Variants in PCDHGA1 observed in about 807,000 individuals in gnomAD.
PCDHGA1 encodes protocadherin gamma subfamily A, 1.
PCDHGA1 carries 32 observed loss-of-function variants against 58.0 expected under a neutral mutation model. That is an observed-to-expected ratio of 0.55 (90% CI 0.42 to 0.74). The LOEUF (loss-of-function observed/expected upper bound fraction) is 0.74. Ranked by LOEUF, PCDHGA1 falls within the 30% of genes least tolerant of loss-of-function variation. The pLI is 0.00. For synonymous variants in PCDHGA1, 498 were observed against 501.1 expected (o/e 0.99, Z 0.08); for missense variants, 1,205 against 1,182.3 (o/e 1.02, Z -0.28).
chr5:141,405,994 C>T (rs2094743060), intron 1 of PCDHGA1, among the ~76,000 whole-genome samples: 1 of 151,930 alleles, frequency 6.6e-6, no homozygotes, highest in African/African-American at 2.4e-5. Context: ...GGGTAGCTCT[C>T]AGCCTGCATT....
At chr5:141,418,337 C>G (rs1308299122) in intron 1 of PCDHGA1, 1 of 1,613,972 alleles carries the variant, frequency 6.2e-7, no homozygotes, top group East Asian at 2.2e-5. Context: ...TGCAGAAGAT[C>G]CTGATATTAG....
rs564486909 is a variant in PCDHGA1, at chr5:141,428,072, G to A, written c.2422-66735G>A. The A allele has an allele frequency of 1.6e-5, 25 of 1,609,080 alleles. No individual in the cohort carries two copies. The South Asian group carries it at 1.9e-4, about 12-fold the overall frequency. On this transcript the variant is annotated intron_variant, in intron 1 of 3. Coordinates refer to ENST00000517417, the MANE Select transcript of PCDHGA1 (RefSeq NM_018912.3). The stretch of plus-strand genomic sequence containing the variant: ...AGGTGGTGGCGGTGGACGCAGATTC[G>A]GGACACAACGCTTGGCTGTCCTACC...
Position 141,422,436 on chromosome 5 carries a change from C to T in PCDHGA1, c.2422-72371C>T, listed in dbSNP as rs200737047. The T allele has an allele frequency of 1.2e-5, 20 of 1,609,634 alleles. No homozygotes were observed. The East Asian group carries it at 4.0e-4, about 32-fold the overall frequency. On this transcript the variant is annotated intron_variant, in intron 1 of 3. Coordinates refer to ENST00000517417, the MANE Select transcript of PCDHGA1 (RefSeq NM_018912.3). The stretch of plus-strand genomic sequence containing the variant: ...TAGAAAAGACTTATGGAAATTATTA[C>T]AAATTGATAACAAGCAGAGTGCTGG...
At chr5:141,496,249 A>G (rs1385823714) in intron 2 of PCDHGA1, among the ~76,000 whole-genome samples, 1 of 152,078 alleles carries the variant, frequency 6.6e-6, no homozygotes, top group East Asian at 1.9e-4. Context: ...GCTGAAGGGG[A>G]GGGAAACTTC....
At position 141,477,891 on chromosome 5, in the gene PCDHGA1, G is replaced by A. The variant is rs750359063; in HGVS notation, c.2422-16916G>A. 130 of 1,614,066 alleles carry A rather than the reference G, an allele frequency of 8.1e-5. 1 individual carries two copies. The highest frequency in any genetic ancestry group is 1.1e-4 in the Non-Finnish European group (125 of 1,180,050). On this transcript the variant is annotated intron_variant, in intron 1 of 3. Coordinates refer to ENST00000517417, the MANE Select transcript of PCDHGA1 (RefSeq NM_018912.3). The surrounding 1 kb of genome is among the most constrained non-coding windows in gnomAD (Gnocchi z 4.9). The stretch of plus-strand genomic sequence containing the variant: ...ACCTCAGCTGGCCACCTAGTGTCAC[G>A]GGTGGTAGGCTGGGACGCGGATGCA...
At chr5:141,445,508 T>C (rs2098468947) in intron 1 of PCDHGA1, among the ~76,000 whole-genome samples, 1 of 152,200 alleles carries the variant, frequency 6.6e-6, no homozygotes, top group Non-Finnish European at 1.5e-5. Context: ...TAATACATGA[T>C]ATTTTACAGG....
chr5:141,380,771 A>G (rs1337028514), intron 1 of PCDHGA1, among the ~76,000 whole-genome samples: 1 of 152,198 alleles, frequency 6.6e-6, no homozygotes, highest in Non-Finnish European at 1.5e-5. Context: ...ATTAATTGAG[A>G]CTTTTTTAAA....
intron 1 of PCDHGA1, chr5:141,426,581 C>A: frequency 2.8e-6 from 1 of 358,468 alleles, no homozygotes. Context: ...TCTTCAAAAT[C>A]CTCTGTGTCA....
rs551390034 is a variant in PCDHGA1 at position 141,330,944 on chromosome 5, C to A, written c.260C>A (p.Ala87Glu). 2 of 1,614,216 alleles carry A rather than the reference C, an allele frequency of 1.2e-6. No individual in the cohort carries two copies. The highest frequency in any genetic ancestry group is 1.7e-6 in the Non-Finnish European group (2 of 1,180,038). Residue 87 changes from alanine to glutamate, a missense_variant, in exon 1 of 4, where the codon GCG becomes GAG. Ala to Glu is a moderately radical substitution (Grantham distance 107). Transcript: ENST00000517417. ...LNPRSGSLIT[A>E]RRIDREELCA... ...CCTAGAAGTGGCAGCTTGATCACCG[C>A]GCGCAGGATAGACCGGGAGGAGCTC... is the stretch of plus-strand genomic sequence containing the variant.
chr5:141,427,975 C>T lies in PCDHGA1; in HGVS notation c.2422-66832C>T, dbSNP rs757718263. ...AATGTGCCGCGGGTGCTGTACCCCGCGCTGGGGCCCGATGGCTCCGCACTC... is the reference window on the plus strand; with the variant it reads ...AATGTGCCGCGGGTGCTGTACCCCGTGCTGGGGCCCGATGGCTCCGCACTC... On this transcript the variant is annotated intron_variant, in intron 1 of 3. Transcript: ENST00000517417. The T allele has an allele frequency of 1.9e-6, 3 of 1,594,600 alleles. No individual in the cohort carries two copies. In the South Asian group the frequency reaches 3.3e-5, roughly 18 times the overall value.
Position 141,331,630 on chromosome 5 carries a change from T to C in PCDHGA1, c.946T>C (p.Ser316Pro). ...PLDFEEYKMY[S>P]MEVQAQDGAG... ...AGATTTCGAAGAATACAAAATGTAT[T>C]CAATGGAAGTTCAAGCCCAGGATGG... is the stretch of plus-strand genomic sequence containing the variant. The change falls in exon 1 of 4, where the codon TCA (serine) becomes CCA (proline). Residue 316 changes from serine (S) to proline (P), a missense_variant. Coordinates refer to ENST00000517417, the MANE Select transcript of PCDHGA1 (RefSeq NM_018912.3). The C allele has an allele frequency of 6.2e-7, 1 of 1,614,092 alleles. No individual in the cohort carries two copies.
rs768206517 is a variant in PCDHGA1 at position 141,432,482 on chromosome 5, G to C, written c.2422-62325G>C. 6.2e-7 allele frequency: 1 copy of C among 1,614,178 alleles called. No individual in the cohort carries two copies. Among genetic ancestry groups the C allele is most frequent in the South Asian group, 1.1e-5 (1 of 91,074 alleles). ...CCTCCCCACGGACGGTTCCACTGGC[G>C]TGGAGCTGGCTCCCCGCTCCGCAGA... On this transcript the variant is annotated intron_variant, in intron 1 of 3. Coordinates refer to ENST00000517417, the MANE Select transcript of PCDHGA1 (RefSeq NM_018912.3). The surrounding 1 kb of genome is among the most constrained non-coding windows in gnomAD (Gnocchi z 6.0).
At position 141,476,753 on chromosome 5, in the gene PCDHGA1, G is replaced by C; in HGVS notation, c.2422-18054G>C. On this transcript the variant is annotated intron_variant, in intron 1 of 3. Coordinates refer to ENST00000517417, the MANE Select transcript of PCDHGA1 (RefSeq NM_018912.3). This position sits in a 1 kb window ranked among gnomAD's most constrained non-coding sequence, Gnocchi z 7.6. Reference sequence around the variant, plus strand: ...AGAACGGGAGCCTAGTCTCCAGTTAGTGCTGACGGCGTTGGACGGAGGGAC... The same window carrying C: ...AGAACGGGAGCCTAGTCTCCAGTTACTGCTGACGGCGTTGGACGGAGGGAC... 3.1e-6 allele frequency: 5 copies of C among 1,614,012 alleles called. No individual in the cohort carries two copies. The highest frequency in any genetic ancestry group is 4.2e-6 in the Non-Finnish European group (5 of 1,180,030).
At chr5:141,452,854 A>G (rs137963870) in intron 1 of PCDHGA1, among the ~76,000 whole-genome samples, 109 of 152,264 alleles carry the variant, frequency 7.2e-4, no homozygotes, top group African/African-American at 2.5e-3. Flanking sequence ...CTCTGGGGAG[A>G]TGATTTTCTA....
rs370242892 is a variant in PCDHGA1 at position 141,420,225 on chromosome 5, C to A, written c.2422-74582C>A. On this transcript the variant is annotated intron_variant, in intron 1 of 3. Coordinates refer to ENST00000517417, the MANE Select transcript of PCDHGA1 (RefSeq NM_018912.3). ...CTCAACAAAGATAGCATGCTACTGGCTAGCATTTTAACTCCCAGCGTTGAA... is the reference window on the plus strand; with the variant it reads ...CTCAACAAAGATAGCATGCTACTGGATAGCATTTTAACTCCCAGCGTTGAA... 13 of 1,603,470 alleles carry A rather than the reference C, an allele frequency of 8.1e-6. No homozygotes were observed. In the African/African-American group the frequency reaches 1.7e-4, roughly 21 times the overall value.
chr5:141,339,575 C>G (rs377473177), intron 1 of PCDHGA1: 74 of 1,614,028 alleles, frequency 4.6e-5, no homozygotes, highest in Non-Finnish European at 5.9e-5. Flanking sequence ...CTCTCTGGAC[C>G]GCGAGGAAGA....
intron 1 of PCDHGA1, among the ~76,000 whole-genome samples, chr5:141,450,099 C>T (rs2098669229): frequency 6.6e-6 from 1 of 151,500 alleles, no homozygotes; most frequent in African/African-American, 2.4e-5. Flanking sequence ...CTCCGCCTCC[C>T]AGGTTCAAAT....
chr5:141,385,181 C>T (rs201394036), intron 1 of PCDHGA1: 5 of 1,614,202 alleles, frequency 3.1e-6, no homozygotes, highest in Non-Finnish European at 3.4e-6. Flanking sequence ...TCCCTCACCG[C>T]GGACTCTCGG....
chr5:141,432,428 G>C lies in PCDHGA1; in HGVS notation c.2422-62379G>C. 6.2e-7 allele frequency: 1 copy of C among 1,614,232 alleles called. No homozygotes were observed. On this transcript the variant is annotated intron_variant, in intron 1 of 3. Coordinates refer to ENST00000517417, the MANE Select transcript of PCDHGA1 (RefSeq NM_018912.3). The surrounding 1 kb of genome is among the most constrained non-coding windows in gnomAD (Gnocchi z 6.0). ...GAGCCTGTTCGTGCTGGACCAGAAC[G>C]ACAATGCGCCCGAGATCCTGTACCC...
Sources: gnomAD v4.1 joint callset for allele counts (sites outside exome capture counted in the v4.1 genomes callset) on GRCh38, gnomAD v4.1.1 for gene constraint, Gnocchi (gnomAD v3.1) non-coding constraint, MANE v1.5 for transcripts, NCBI Gene and HGNC (gene_info 2026-07-23, HGNC 2026-07-21) for gene names.